FAM227A: variants seen among roughly 807,000 people sequenced by gnomAD.
FAM227A encodes the protein protein FAM227A.
Under a neutral mutation model 74.7 loss-of-function variants are expected in FAM227A, and 80 were observed. That is an observed-to-expected ratio of 1.07 (90% CI 0.89 to 1.29). The LOEUF is 1.29. FAM227A is among the 50% of genes most tolerant of loss of function. The pLI is 0.00. For missense variants in FAM227A, 654 were observed against 683.4 expected (o/e 0.96, Z 0.48); for synonymous variants, 237 against 241.8 (o/e 0.98, Z 0.19).
chr22:38,603,658 G>A (rs548140804), intron 13 of FAM227A, among the ~76,000 whole-genome samples: 2 of 152,104 alleles, frequency 1.3e-5, no homozygotes, highest in Non-Finnish European at 1.5e-5. Flanking sequence ...TCGGGCTGAT[G>A]CAGTTAGTAT....
chr22:38,587,913 C>T (rs551996741), intron 16 of FAM227A, among the ~76,000 whole-genome samples: 1 of 152,256 alleles, frequency 6.6e-6, no homozygotes, highest in East Asian at 1.9e-4. Flanking sequence ...AAACATAAAT[C>T]GATCAGTGTA....
chr22:38,626,515 G>C (rs920675973), intron 8 of FAM227A, among the ~76,000 whole-genome samples: 1 of 151,806 alleles, frequency 6.6e-6, no homozygotes. Flanking sequence ...CGGTAGCTGG[G>C]AATAGAGGTG....
chr22:38,624,559 C>T (rs1392364448), intron 9 of FAM227A, among the ~76,000 whole-genome samples: 2 of 152,148 alleles, frequency 1.3e-5, no homozygotes, highest in East Asian at 1.9e-4. Flanking sequence ...AGAAGAATGG[C>T]TCGTTGTGCC....
intron 9 of FAM227A, among the ~76,000 whole-genome samples, chr22:38,625,958 A>G (rs1489111318): frequency 6.6e-6 from 1 of 151,848 alleles, no homozygotes; most frequent in Non-Finnish European, 1.5e-5. Context: ...AAAAAAAAAA[A>G]AAAAGGATTA....
chr22:38,600,025 T>G, intron 13 of FAM227A, 104 bp from the exon 14 acceptor site: 1 of 1,132,484 alleles, frequency 8.8e-7, no homozygotes, highest in Non-Finnish European at 1.2e-6. Context: ...GATCCAGTAA[T>G]TCCAGTTTTA....
At chr22:38,592,217 G>C (rs552285487) in intron 15 of FAM227A, among the ~76,000 whole-genome samples, 1 of 152,050 alleles carries the variant, frequency 6.6e-6, no homozygotes, top group Admixed American at 6.6e-5. Flanking sequence ...CAAGTGCTGG[G>C]ATTACAGGCG....
At chr22:38,645,443 C>T in intron 3 of FAM227A, 120 bp downstream of exon 3, 1 of 646,000 alleles carries the variant, frequency 1.5e-6, no homozygotes, top group East Asian at 3.0e-5. Context: ...TTTGAATACT[C>T]AATTGTGTAA....
At chr22:38,634,319 T>C (rs905669148) in intron 6 of FAM227A, among the ~76,000 whole-genome samples, 1 of 152,140 alleles carries the variant, frequency 6.6e-6, no homozygotes, top group Non-Finnish European at 1.5e-5. Flanking sequence ...CATACACTCT[T>C]TATAAACATT....
chr22:38,613,228 T>A (rs1302332907), intron 11 of FAM227A, among the ~76,000 whole-genome samples: 8 of 56,054 alleles, frequency 1.4e-4, no homozygotes, highest in Non-Finnish European at 2.2e-4. Context: ...TGTATATATA[T>A]TATATATATA....
intron 13 of FAM227A, among the ~76,000 whole-genome samples, chr22:38,603,650 G>A (rs889480700): frequency 2.0e-5 from 3 of 152,006 alleles, no homozygotes; most frequent in East Asian, 1.9e-4. Context: ...TTCCACATTC[G>A]GGCTGATGCA....
At chr22:38,608,542 T>A (rs2091339872) in intron 11 of FAM227A, among the ~76,000 whole-genome samples, 2 of 151,884 alleles carry the variant, frequency 1.3e-5, no homozygotes, top group Admixed American at 1.3e-4. Context: ...GCAATTCTCT[T>A]ACCTCAGCCT....
In FAM227A at chr22:38,582,350, T is replaced by C. The variant is rs528191887; in HGVS notation, c.*3775A>G. On this transcript the variant is annotated 3_prime_UTR_variant, in exon 17 of 17. Coordinates refer to ENST00000535113, the MANE Select transcript of FAM227A (RefSeq NM_001013647.2). ...GATTTTAACTTCATCTCTTCTAGTT[T>C]AACATCTGAATTTATCTTCTTCCAT... The C allele has an allele frequency of 6.5e-7, 1 of 1,550,186 alleles. No individual in the cohort carries two copies. Among genetic ancestry groups the C allele is most frequent in the African/African-American group, 1.4e-5 (1 of 73,148 alleles).
At chr22:38,639,863 A>T (rs2092077155) in intron 3 of FAM227A, 139 bp from the exon 4 acceptor site, 1 of 669,806 alleles carries the variant, frequency 1.5e-6, no homozygotes, top group Non-Finnish European at 2.7e-6. Context: ...TTGTCTTTCC[A>T]GGTGGTAGGT....
chr22:38,626,044 T>A, intron 9 of FAM227A, 136 bp downstream of exon 9: 6 of 858,782 alleles, frequency 7.0e-6, no homozygotes, highest in Non-Finnish European at 1.0e-5. Flanking sequence ...CATACTTTGC[T>A]CTCTTTAATG....
intron 13 of FAM227A, among the ~76,000 whole-genome samples, chr22:38,604,860 C>T (rs1308194803): frequency 2.6e-5 from 4 of 152,120 alleles, no homozygotes; most frequent in Non-Finnish European, 5.9e-5. Context: ...ACCATGTTGG[C>T]CAGACTGGTC....
In FAM227A at chr22:38,582,438, C is replaced by T. The variant is rs1446635963; in HGVS notation, c.*3687G>A. 8 of 1,547,144 alleles carry T rather than the reference C, an allele frequency of 5.2e-6. No homozygotes were observed. The highest frequency in any genetic ancestry group is 2.4e-5 in the East Asian group (1 of 40,922). On this transcript the variant is annotated 3_prime_UTR_variant, in exon 17 of 17. Transcript: ENST00000535113. ...AGAATTAGAATATCATACAATTACTCATTTGCTTTATCCCACATTACAGCA... is the reference window on the plus strand; with the variant it reads ...AGAATTAGAATATCATACAATTACTTATTTGCTTTATCCCACATTACAGCA...
chr22:38,641,634 C>CG lies in FAM227A; in HGVS notation c.226-1911_226-1910insC, dbSNP rs1326781896. Among the ~76,000 whole-genome samples the CG allele has an allele frequency of 6.6e-5, 10 of 151,440 alleles. 1 individual carries two copies. The highest frequency in any genetic ancestry group is 5.9e-4 in the Admixed American group (9 of 15,192). ...AGCTCACAGGATCTCTCAAAGAGTA[C>CG]ATCTTCATCATTGTAATCCTCTGCC... On this transcript the variant is annotated intron_variant, in intron 3 of 16. Transcript: ENST00000535113.
intron 11 of FAM227A, among the ~76,000 whole-genome samples, chr22:38,613,168 GTA>G (rs1323960297): frequency 1.0e-4 from 7 of 66,696 alleles, no homozygotes; most frequent in African/African-American, 4.1e-4. Context: ...TATCTATGCT[GTA>G]TATATATTAT....
chr22:38,641,991 G>A (rs771556885), intron 3 of FAM227A, among the ~76,000 whole-genome samples: 147 of 152,180 alleles, frequency 9.7e-4, no homozygotes, highest in African/African-American at 3.0e-3. Context: ...GTGTGTGTGC[G>A]CGTGTGTTTG....
Sources: gnomAD v4.1 joint callset for allele counts (sites outside exome capture counted in the v4.1 genomes callset) on GRCh38, gnomAD v4.1.1 for gene constraint, MANE v1.5 for transcripts, NCBI Gene and HGNC (gene_info 2026-07-23, HGNC 2026-07-21) for gene names.